The following NRXN3 variants were observed in gnomAD, a reference collection of about 807,000 sequenced individuals.
NRXN3 encodes the protein neurexin III.
NRXN3 carries 32 observed loss-of-function variants against 137.6 expected under a neutral mutation model. The observed-to-expected ratio is 0.23, with a 90% CI of 0.18 to 0.31. The LOEUF (loss-of-function observed/expected upper bound fraction) is 0.31. Among genes scored for constraint, NRXN3 ranks in the 10% least tolerant of loss-of-function variants. NRXN3 has a pLI of 1.00. For missense variants in NRXN3, 1,574 were observed against 2,062.5 expected (o/e 0.76, Z 4.59); for synonymous variants, 798 against 784.5 (o/e 1.02, Z -0.29).
chr14:79,456,632 C>A lies in NRXN3; in HGVS notation c.3263-10589C>A, dbSNP rs192426203. On this transcript the variant is annotated intron_variant, in intron 15 of 20. Transcript: ENST00000335750. ...ATCCCAGCTACTCTGGAGGCTGAGA[C>A]AGGAGAATCTCTTGAACCTGGAGGC... is the stretch of plus-strand genomic sequence containing the variant. Among the ~76,000 whole-genome samples the A allele has an allele frequency of 2.2e-3, 334 of 151,686 alleles. 1 individual carries two copies. Among genetic ancestry groups the A allele is most frequent in the Non-Finnish European group, 3.4e-3 (229 of 67,902 alleles).
chr14:79,724,118 T>C (rs1049999638), intron 19 of NRXN3, among the ~76,000 whole-genome samples: 1 of 152,200 alleles, frequency 6.6e-6, no homozygotes, highest in Non-Finnish European at 1.5e-5. Context: ...AAAAGTGTGA[T>C]ACTTCACATG....
chr14:79,099,434 C>T (rs532308693), intron 15 of NRXN3, among the ~76,000 whole-genome samples: 130 of 152,040 alleles, frequency 8.6e-4, no homozygotes, highest in African/African-American at 3.1e-3. Context: ...AGGAGAGCTG[C>T]GAATAACTCT....
chr14:79,668,044 A>T (rs1352973196), intron 17 of NRXN3, among the ~76,000 whole-genome samples: 3 of 152,002 alleles, frequency 2.0e-5, no homozygotes, highest in Admixed American at 2.0e-4. Flanking sequence ...GGGGGTGCTG[A>T]GGAGAGCAGG....
At chr14:79,401,784 C>G (rs2095202155) in intron 15 of NRXN3, among the ~76,000 whole-genome samples, 2 of 151,260 alleles carry the variant, frequency 1.3e-5, no homozygotes, top group African/African-American at 4.9e-5. Context: ...ACTACTTTAA[C>G]TCTCCTGATT....
intron 15 of NRXN3, among the ~76,000 whole-genome samples, chr14:79,308,444 T>C (rs1001875515): frequency 1.3e-5 from 2 of 152,122 alleles, no homozygotes; most frequent in Non-Finnish European, 2.9e-5. Context: ...GTTAGACTGG[T>C]CCTCCAAGCT....
At chr14:78,482,506 C>CA (rs1243942103) in intron 4 of NRXN3, among the ~76,000 whole-genome samples, 1 of 152,284 alleles carries the variant, frequency 6.6e-6, no homozygotes, top group South Asian at 2.1e-4. Flanking sequence ...GAAATGCAGT[C>CA]AGGACGTAGC....
At chr14:78,387,070 C>A (rs368037090) in intron 4 of NRXN3, among the ~76,000 whole-genome samples, 1 of 152,084 alleles carries the variant, frequency 6.6e-6, no homozygotes, top group Non-Finnish European at 1.5e-5. Flanking sequence ...TGTGAGCCAC[C>A]GCACCCGGCC....
At chr14:78,954,033 G>A (rs1445166401) in intron 10 of NRXN3, among the ~76,000 whole-genome samples, 1 of 152,100 alleles carries the variant, frequency 6.6e-6, no homozygotes, top group Non-Finnish European at 1.5e-5. Context: ...TGCTTGAATA[G>A]GCCAGAAAAA....
chr14:79,639,106 A>C (rs2098419951), intron 16 of NRXN3, among the ~76,000 whole-genome samples: 1 of 152,156 alleles, frequency 6.6e-6, no homozygotes, highest in African/African-American at 2.4e-5. Flanking sequence ...ACCCACACCT[A>C]GAGATATGTG....
intron 15 of NRXN3, among the ~76,000 whole-genome samples, chr14:79,194,794 G>T (rs2064910263): frequency 6.6e-6 from 1 of 152,150 alleles, no homozygotes; most frequent in Non-Finnish European, 1.5e-5. Context: ...TCCTAGATGA[G>T]CTGGGCCTTA....
intron 14 of NRXN3, among the ~76,000 whole-genome samples, chr14:78,972,159 C>T (rs889733519): frequency 3.9e-5 from 6 of 152,018 alleles, no homozygotes; most frequent in African/African-American, 1.4e-4. Flanking sequence ...ATGTATCTTC[C>T]TATATTGAGG....
intron 16 of NRXN3, among the ~76,000 whole-genome samples, chr14:79,613,422 C>T (rs1433180897): frequency 1.5e-4 from 23 of 152,186 alleles, no homozygotes; most frequent in Admixed American, 1.5e-3. Context: ...TGCCTCTCTC[C>T]TGTCTATGAT....
chr14:79,661,096 T>C (rs1316265310), intron 16 of NRXN3, among the ~76,000 whole-genome samples: 1 of 152,060 alleles, frequency 6.6e-6, no homozygotes, highest in Non-Finnish European at 1.5e-5. Flanking sequence ...GCATGAAAAG[T>C]ACAAAAAGAA....
chr14:79,337,046 G>A (rs1242437366), intron 15 of NRXN3, among the ~76,000 whole-genome samples: 1 of 152,084 alleles, frequency 6.6e-6, no homozygotes. Context: ...AAAAATGACC[G>A]ACAAGATGTT....
chr14:79,372,736 AACATT>A (rs1217894670), intron 15 of NRXN3, among the ~76,000 whole-genome samples: 16 of 152,130 alleles, frequency 1.1e-4, no homozygotes, highest in African/African-American at 3.1e-4. Flanking sequence ...GCTTAAATAA[AACATT>A]ACTGGGAAGA....
At chr14:79,076,148 C>T (rs148522525) in intron 15 of NRXN3, among the ~76,000 whole-genome samples, 90 of 152,230 alleles carry the variant, frequency 5.9e-4, no homozygotes, top group Middle Eastern at 3.4e-3. Flanking sequence ...CATGCTGTTG[C>T]CTAATCTGTC....
At chr14:78,438,016 TG>T (rs2094129200) in intron 4 of NRXN3, among the ~76,000 whole-genome samples, 1 of 151,882 alleles carries the variant, frequency 6.6e-6, no homozygotes, top group Non-Finnish European at 1.5e-5. Flanking sequence ...TGGGGGTAGA[TG>T]TGGGGTGTGG....
At chr14:79,853,342 G>A (rs1050251065) in intron 20 of NRXN3, among the ~76,000 whole-genome samples, 2 of 152,154 alleles carry the variant, frequency 1.3e-5, no homozygotes, top group Non-Finnish European at 2.9e-5. Context: ...GCTATTTTTA[G>A]TAGGAAAAAG....
chr14:78,665,180 A>G (rs2097873183), intron 6 of NRXN3, among the ~76,000 whole-genome samples: 2 of 152,206 alleles, frequency 1.3e-5, no homozygotes, highest in South Asian at 4.1e-4. Context: ...GAAGGAAATG[A>G]AAGAGAATAA....
Sources: allele counts gnomAD v4.1 joint callset (sites outside exome capture counted in the v4.1 genomes callset), GRCh38; gene constraint gnomAD v4.1.1; transcripts MANE v1.5; gene names NCBI Gene and HGNC (gene_info 2026-07-23, HGNC 2026-07-21).